Variants in EPAS1 observed in about 807,000 individuals in gnomAD.
The protein encoded by EPAS1 is endothelial PAS domain protein 1, also known as endothelial PAS domain-containing protein 1.
Under a neutral mutation model 87.9 loss-of-function variants are expected in EPAS1, and 23 were observed. The ratio of observed to expected loss-of-function variants is 0.26; its 90% CI spans 0.19 to 0.37. The LOEUF is 0.37. Ranked by LOEUF, EPAS1 falls within the 10% of genes least tolerant of loss-of-function variation. The pLI is 1.00. For missense variants in EPAS1, 1,138 were observed against 1,120.7 expected, an observed-to-expected ratio of 1.02 and a Z score of -0.22; for synonymous variants, 508 against 444.3, an observed-to-expected ratio of 1.14 and a Z score of -1.80.
At chr2:46,381,418 G>A (rs981073591) in intron 12 of EPAS1, 178 bp from the exon 13 acceptor site, 3 of 921,014 alleles carry the variant, frequency 3.3e-6, no homozygotes, top group Admixed American at 2.0e-5. Flanking sequence ...AGCTGAGGAA[G>A]GAGACAGAGC....
At chr2:46,326,510 C>T (rs1376073551) in intron 1 of EPAS1, among the ~76,000 whole-genome samples, 2 of 152,162 alleles carry the variant, frequency 1.3e-5, no homozygotes, top group African/African-American at 4.8e-5. Flanking sequence ...CTTGACAAAG[C>T]ATTTGTACTC....
In EPAS1 at chr2:46,297,737, C is replaced by T. The variant is rs1257168629; in HGVS notation, c.-175C>T. The stretch of plus-strand genomic sequence containing the variant: ...ACCTTTCTCCACCCCCGCCCCCGCA[C>T]CTAGCCCGCCGCGCGCCACCTTCCA... On this transcript the variant is annotated 5_prime_UTR_variant, in exon 1 of 16. Coordinates refer to ENST00000263734, the MANE Select transcript of EPAS1 (RefSeq NM_001430.5). The T allele has an allele frequency of 5.2e-6, 4 of 764,294 alleles. No individual in the cohort carries two copies. The Admixed American group carries it at 8.0e-5, about 15-fold the overall frequency. The allele number at this position is 764,294 out of a possible 1,614,324, so 47.3% of individuals were successfully genotyped here.
intron 1 of EPAS1, among the ~76,000 whole-genome samples, chr2:46,322,463 C>A (rs1683472367): frequency 1.3e-5 from 2 of 152,138 alleles, no homozygotes; most frequent in Admixed American, 1.3e-4. Context: ...CTGCCTGGGG[C>A]TTATTAAAAC....
At chr2:46,382,162 G>A (rs941864230) in intron 14 of EPAS1, 73 bp downstream of exon 14, 8 of 1,409,152 alleles carry the variant, frequency 5.7e-6, no homozygotes, top group Middle Eastern at 1.9e-4. Context: ...GCCCATCCTG[G>A]TTCTTCCATT....
In EPAS1 at chr2:46,371,450, G is replaced by A. The variant is rs1344146444; in HGVS notation, c.886+1517G>A. Reference sequence around the variant, plus strand: ...TGATATCTCAGAGAAGTTTCTCACTGTGCTCTCTGGCAAAACACACACGCG... The same window carrying A: ...TGATATCTCAGAGAAGTTTCTCACTATGCTCTCTGGCAAAACACACACGCG... On this transcript the variant is annotated intron_variant, in intron 7 of 15. Coordinates refer to ENST00000263734, the MANE Select transcript of EPAS1 (RefSeq NM_001430.5). This position sits in a 1 kb window ranked among gnomAD's most constrained non-coding sequence, Gnocchi z 4.3. Among the ~76,000 whole-genome samples, 1 of 152,096 alleles carries A rather than the reference G, an allele frequency of 6.6e-6. No homozygotes were observed. The highest frequency in any genetic ancestry group is 1.5e-5 in the Non-Finnish European group (1 of 68,026).
chr2:46,354,679 T>A (rs1452104313), intron 2 of EPAS1, among the ~76,000 whole-genome samples: 1 of 151,966 alleles, frequency 6.6e-6, no homozygotes, highest in African/African-American at 2.4e-5. Flanking sequence ...GTTTTGCACC[T>A]CTGGGCTTCA....
chr2:46,336,036 G>A (rs1683783637), intron 1 of EPAS1: 1 of 152,178 alleles, frequency 6.6e-6, no homozygotes, highest in Admixed American at 6.5e-5. Flanking sequence ...CTTCACTGAA[G>A]GGAAGAGGAG....
Position 46,297,932 on chromosome 2 carries a change from G to C in EPAS1, c.21G>C (p.Lys7Asn). ...CGACAATGACAGCTGACAAGGAGAA[G>C]AAAAGGTAAGCGGGCGTCCGGGCCG... MTADKE[K>N]KRSSSERRKE... The change falls in exon 1 of 16, where the codon AAG becomes AAC. Residue 7 changes from lysine to asparagine, a missense_variant. Transcript: ENST00000263734. 1 of 1,612,630 alleles carries C rather than the reference G, an allele frequency of 6.2e-7. No individual in the cohort carries two copies. Among genetic ancestry groups the C allele is most frequent in the Admixed American group, 1.7e-5 (1 of 59,928 alleles).
chr2:46,346,374 G>A lies in EPAS1; in HGVS notation c.27-499G>A, dbSNP rs1182969890. ...GGAAATCACTTTCTGGTATGAAGCG[G>A]GATCTAGGGTTCAGTACTACTCTTA... On this transcript the variant is annotated intron_variant, in intron 1 of 15. Coordinates refer to ENST00000263734, the MANE Select transcript of EPAS1 (RefSeq NM_001430.5). This position sits in a 1 kb window ranked among gnomAD's most constrained non-coding sequence, Gnocchi z 4.0. Among the ~76,000 whole-genome samples, 1 of 152,170 alleles carries A rather than the reference G, an allele frequency of 6.6e-6. No individual in the cohort carries two copies. Among genetic ancestry groups the A allele is most frequent in the Non-Finnish European group, 1.5e-5 (1 of 68,030 alleles).
At chr2:46,354,071 T>G (rs1684221024) in intron 2 of EPAS1, among the ~76,000 whole-genome samples, 1 of 152,226 alleles carries the variant, frequency 6.6e-6, no homozygotes, top group African/African-American at 2.4e-5. Flanking sequence ...TAGGAAGATC[T>G]TGTAATGTGG....
At chr2:46,316,551 G>A (rs913322524) in intron 1 of EPAS1, among the ~76,000 whole-genome samples, 5 of 152,180 alleles carry the variant, frequency 3.3e-5, no homozygotes, top group African/African-American at 7.2e-5. Context: ...ATGAGCCACC[G>A]CACCTGGCCA....
chr2:46,382,687 G>A (rs1684927950), intron 15 of EPAS1, 89 bp downstream of exon 15: 1 of 1,535,756 alleles, frequency 6.5e-7, no homozygotes, highest in Non-Finnish European at 8.9e-7. Context: ...TCTGCACAGT[G>A]CCAGGCACAG....
At chr2:46,370,888 A>G (rs1684615134) in intron 7 of EPAS1, among the ~76,000 whole-genome samples, 1 of 152,138 alleles carries the variant, frequency 6.6e-6, no homozygotes, top group Admixed American at 6.5e-5. Context: ...TACTTGGCCC[A>G]CTGGGGGTGA....
At chr2:46,362,076 T>C (rs529323319) in intron 6 of EPAS1, among the ~76,000 whole-genome samples, 27 of 152,314 alleles carry the variant, frequency 1.8e-4, no homozygotes, top group African/African-American at 6.3e-4. Flanking sequence ...ACCCCCCGCA[T>C]GCGCCCTTCC....
chr2:46,325,159 G>A (rs999644972), intron 1 of EPAS1, among the ~76,000 whole-genome samples: 1 of 152,250 alleles, frequency 6.6e-6, no homozygotes, highest in Non-Finnish European at 1.5e-5. Context: ...CCTTGGGCTT[G>A]TTGGATCCAG....
intron 14 of EPAS1, among the ~76,000 whole-genome samples, 163 bp downstream of exon 14, chr2:46,382,252 C>T (rs1344598683): frequency 6.6e-6 from 1 of 152,206 alleles, no homozygotes; most frequent in African/African-American, 2.4e-5. Context: ...CCCACACACC[C>T]AACTTTTCCA....
rs142422464 is a variant in EPAS1 at position 46,375,623 on chromosome 2, C to G, written c.887-67C>G. 6.4e-7 allele frequency: 1 copy of G among 1,569,160 alleles called. No individual in the cohort carries two copies. Among genetic ancestry groups the G allele is most frequent in the African/African-American group, 1.4e-5 (1 of 73,842 alleles). ...AGATTAGACTGCCCTCCCATGCGAT[C>G]TGCTGAGCCTGTGGTGCACACCCCT... On this transcript the variant is annotated intron_variant, in intron 7 of 15. Coordinates refer to ENST00000263734, the MANE Select transcript of EPAS1 (RefSeq NM_001430.5). The surrounding 1 kb of genome is among the most constrained non-coding windows in gnomAD (Gnocchi z 4.1).
At chr2:46,328,423 G>A (rs559391195) in intron 1 of EPAS1, among the ~76,000 whole-genome samples, 3 of 152,238 alleles carry the variant, frequency 2.0e-5, no homozygotes, top group Non-Finnish European at 4.4e-5. Flanking sequence ...GAGGAAATGA[G>A]ATGAAAATGA....
chr2:46,361,132 C>T (rs769311057), intron 6 of EPAS1, 42 bp downstream of exon 6: 2 of 1,599,066 alleles, frequency 1.3e-6, no homozygotes, highest in Non-Finnish European at 1.7e-6. Flanking sequence ...AGAGATGGGT[C>T]TTACCTGTGT....
Sources: allele counts gnomAD v4.1 joint callset (sites outside exome capture counted in the v4.1 genomes callset), GRCh38; gene constraint gnomAD v4.1.1; non-coding constraint Gnocchi (gnomAD v3.1); transcripts MANE v1.5; gene names NCBI Gene and HGNC (gene_info 2026-07-23, HGNC 2026-07-21).